SPMIP8: variants seen among roughly 807,000 people sequenced by gnomAD.
The protein encoded by SPMIP8 is testicular tissue protein Li 196.
the SPMIP8 span, chr16:57,984,698 C>G: frequency 1.9e-6 from 3 of 1,597,478 alleles, no homozygotes; most frequent in Non-Finnish European, 2.6e-6. Context: ...TGGCGCCCAT[C>G]GCGCCAGGCA....
the SPMIP8 span, chr16:57,977,844 T>C: frequency 1.2e-6 from 2 of 1,613,830 alleles, no homozygotes; most frequent in Non-Finnish European, 1.7e-6. Context: ...CCTGGTGCCC[T>C]GGGACGATGG....
chr16:57,984,637 A>T, the SPMIP8 span: 110 of 1,576,856 alleles, frequency 7.0e-5, no homozygotes, highest in Middle Eastern at 1.7e-4. Flanking sequence ...CCCTGTCAGG[A>T]CATCACCGCC....
chr16:57,984,910 C>A, the SPMIP8 span: 1 of 1,425,456 alleles, frequency 7.0e-7, no homozygotes, highest in Non-Finnish European at 9.3e-7. Context: ...GCGGGCCAGG[C>A]AGAAACAGGG....
the SPMIP8 span, chr16:57,977,706 A>C: frequency 8.1e-7 from 1 of 1,230,650 alleles, no homozygotes; most frequent in Non-Finnish European, 1.2e-6. Flanking sequence ...GTGCTAAATA[A>C]ATGTTTGGCA....
the SPMIP8 span, chr16:57,986,449 C>G: frequency 6.6e-6 from 1 of 152,530 alleles, no homozygotes; most frequent in African/African-American, 2.4e-5. Context: ...CTCACCCTCC[C>G]GGCCCCACTT....
At chr16:57,977,555 A>G in the SPMIP8 span, among the ~76,000 whole-genome samples, 1 of 93,958 alleles carries the variant, frequency 1.1e-5, no homozygotes. Context: ...CCATGGCACA[A>G]TGTGAGTGTG....
At chr16:57,976,802 C>G in the SPMIP8 span, among the ~76,000 whole-genome samples, 127 of 152,258 alleles carry the variant, frequency 8.3e-4, no homozygotes, top group African/African-American at 2.7e-3. Flanking sequence ...GCCACCCTAG[C>G]TTCCACCTCC....
the SPMIP8 span, among the ~76,000 whole-genome samples, chr16:57,981,114 T>C: frequency 2.9e-3 from 441 of 152,172 alleles, 5 homozygotes; most frequent in African/African-American, 0.01. Context: ...GGCGTGGCGG[T>C]TCACGCCTGT....
At chr16:57,985,957 T>G in the SPMIP8 span, 1 of 1,603,718 alleles carries the variant, frequency 6.2e-7, no homozygotes. Flanking sequence ...GGAACGGTCC[T>G]GTCCCGCCCC....
the SPMIP8 span, among the ~76,000 whole-genome samples, chr16:57,979,995 C>T: frequency 2.0e-5 from 3 of 152,090 alleles, no homozygotes; most frequent in African/African-American, 7.2e-5. Flanking sequence ...ACCCGGGAGG[C>T]GGAGGTTGCG....
the SPMIP8 span, chr16:57,986,318 T>A: frequency 4.7e-6 from 1 of 213,744 alleles, no homozygotes; most frequent in African/African-American, 2.3e-5. Flanking sequence ...TAAGTGGTCT[T>A]CCCGGCAGGG....
chr16:57,978,935 G>C, the SPMIP8 span, among the ~76,000 whole-genome samples: 2 of 152,158 alleles, frequency 1.3e-5, no homozygotes, highest in Non-Finnish European at 2.9e-5. Context: ...TTAATGGAGA[G>C]AGAACTGGGC....
chr16:57,979,404 T>C, the SPMIP8 span, among the ~76,000 whole-genome samples: 1 of 152,186 alleles, frequency 6.6e-6, no homozygotes, highest in African/African-American at 2.4e-5. Flanking sequence ...CTGCCCTATT[T>C]AAACGGCAGC....
At chr16:57,985,146 A>G in the SPMIP8 span, 89 of 1,299,568 alleles carry the variant, frequency 6.8e-5, no homozygotes, top group Non-Finnish European at 7.6e-5. Flanking sequence ...TTAGATGAGG[A>G]GGCGGGGCTT....
chr16:57,985,097 G>A, the SPMIP8 span: 2 of 1,205,200 alleles, frequency 1.7e-6, no homozygotes, highest in Non-Finnish European at 2.2e-6. Context: ...ACGTGTGGGT[G>A]GGGCTGGATT....
chr16:57,981,383 A>AATAATAATAATTATTATTATT, the SPMIP8 span, among the ~76,000 whole-genome samples: 22 of 52,712 alleles, frequency 4.2e-4, no homozygotes, highest in Admixed American at 7.0e-4. Context: ...CCGTCTCAAT[A>AATAATAATAATTATTATTATT]ATAATAATAA....
At chr16:57,987,617 C>A in the SPMIP8 span, 1 of 550,046 alleles carries the variant, frequency 1.8e-6, no homozygotes, top group Non-Finnish European at 2.9e-6. Context: ...GGGAGAGGGT[C>A]AGGGCCACAG....
the SPMIP8 span, among the ~76,000 whole-genome samples, chr16:57,977,317 G>A: frequency 1.4e-5 from 2 of 145,026 alleles, no homozygotes; most frequent in South Asian, 4.4e-4. Flanking sequence ...GGCTGAGGCA[G>A]GAGAATCACT....
the SPMIP8 span, chr16:57,984,516 GC>G: frequency 4.0e-6 from 6 of 1,499,336 alleles, no homozygotes; most frequent in African/African-American, 6.9e-5. Flanking sequence ...GACTTCGGGC[GC>G]CCCCTCGGTC....
Sources: allele counts gnomAD v4.1 joint callset (sites outside exome capture counted in the v4.1 genomes callset), GRCh38; gene constraint gnomAD v4.1.1; transcripts MANE v1.5; gene names NCBI Gene and HGNC (gene_info 2026-07-23, HGNC 2026-07-21).